CELF4: variants seen among roughly 807,000 people sequenced by gnomAD.
CELF4 encodes the protein CUG-BP- and ETR-3-like factor 4.
A neutral mutation model predicts 59.9 loss-of-function variants in CELF4; 18 were observed. The ratio of observed to expected loss-of-function variants is 0.30; its 90% CI spans 0.21 to 0.45. The LOEUF is 0.45. Among genes scored for constraint, CELF4 ranks in the 20% least tolerant of loss-of-function variants. The pLI is 1.00. For missense variants in CELF4, 456 were observed against 689.0 expected (o/e 0.66, Z 3.79); for synonymous variants, 261 against 267.1 (o/e 0.98, Z 0.22).
At chr18:37,343,563 T>C (rs1038390760) in intron 2 of CELF4, among the ~76,000 whole-genome samples, 7 of 151,900 alleles carry the variant, frequency 4.6e-5, no homozygotes, top group African/African-American at 7.3e-5. Flanking sequence ...CCCTGGTATA[T>C]GTGGTGCATA....
chr18:37,521,992 C>T lies in CELF4; in HGVS notation c.287-36385G>A, dbSNP rs184842052. 1.2e-4 allele frequency among the ~76,000 whole-genome samples: 18 copies of T among 152,292 alleles called. No individual in the cohort carries two copies. The East Asian group carries it at 2.9e-3, about 25-fold the overall frequency. ...TAGCGGGTTACCGTCACTCAGCACC[C>T]GGTGAGTTTAAGAGTGGAGAATGCC... is the stretch of plus-strand genomic sequence containing the variant. On this transcript the variant is annotated intron_variant, in intron 1 of 12. Coordinates refer to ENST00000420428, the MANE Select transcript of CELF4 (RefSeq NM_020180.4).
chr18:37,257,306 A>G (rs555103010), intron 11 of CELF4, among the ~76,000 whole-genome samples: 2 of 152,294 alleles, frequency 1.3e-5, no homozygotes, highest in Admixed American at 1.3e-4. Context: ...CATTTATGTA[A>G]CATTTGGGAC....
At chr18:37,563,134 C>A (rs2099987080) in intron 1 of CELF4, among the ~76,000 whole-genome samples, 2 of 151,190 alleles carry the variant, frequency 1.3e-5, no homozygotes, top group East Asian at 3.9e-4. Context: ...ACCTTCTCTA[C>A]CTCCCTAATG....
At chr18:37,318,866 G>A (rs1344420743) in intron 3 of CELF4, among the ~76,000 whole-genome samples, 1 of 152,162 alleles carries the variant, frequency 6.6e-6, no homozygotes, top group East Asian at 1.9e-4. Flanking sequence ...GGAGAAAATG[G>A]CCTGGACTCT....
In CELF4 at chr18:37,271,535, C is replaced by T. The variant is rs1170180423; in HGVS notation, c.950-618G>A. On this transcript the variant is annotated intron_variant, in intron 7 of 12. Coordinates refer to ENST00000420428, the MANE Select transcript of CELF4 (RefSeq NM_020180.4). ...CCTCCCAAAATGCTGGGATTACAGGCATGAGCCACCGTACCTGGCCTTCCT... is the reference window on the plus strand; with the variant it reads ...CCTCCCAAAATGCTGGGATTACAGGTATGAGCCACCGTACCTGGCCTTCCT... 6.6e-5 allele frequency among the ~76,000 whole-genome samples: 10 copies of T among 152,314 alleles called. No homozygotes were observed. In the East Asian group the frequency reaches 1.9e-3, roughly 29 times the overall value.
chr18:37,534,737 GA>G (rs2099972138), intron 1 of CELF4, among the ~76,000 whole-genome samples: 1 of 152,204 alleles, frequency 6.6e-6, no homozygotes, highest in African/African-American at 2.4e-5. Context: ...GGCCAGAGGG[GA>G]AGAGAGGGAG....
chr18:37,443,435 G>A (rs965524284), intron 2 of CELF4, among the ~76,000 whole-genome samples: 2 of 152,152 alleles, frequency 1.3e-5, no homozygotes, highest in African/African-American at 4.8e-5. Context: ...TGGGCTGGCA[G>A]GAGAGGAGGC....
rs73947209 is a variant in CELF4, at chr18:37,428,778, G to A, written c.369+56747C>T. ...CCCCCATGTGTTCTGAGCAGCAGCC[G>A]CCCTGCAGGAGGAAGTGTGCCTGAT... On this transcript the variant is annotated intron_variant, in intron 2 of 12. Transcript: ENST00000420428. Among the ~76,000 whole-genome samples the A allele has an allele frequency of 7.5e-3, 1,138 of 152,240 alleles. 22 individuals carry two copies. Among genetic ancestry groups the A allele is most frequent in the African/African-American group, 0.026 (1,095 of 41,550 alleles).
intron 7 of CELF4, among the ~76,000 whole-genome samples, chr18:37,272,036 G>A (rs2091520515): frequency 6.6e-6 from 1 of 152,172 alleles, no homozygotes; most frequent in South Asian, 2.1e-4. Flanking sequence ...GAAGAGTAGT[G>A]TTCAAGTTGA....
At chr18:37,360,264 A>C (rs984085267) in intron 2 of CELF4, among the ~76,000 whole-genome samples, 10 of 152,278 alleles carry the variant, frequency 6.6e-5, no homozygotes, top group Admixed American at 2.0e-4. Flanking sequence ...CATCTGATCC[A>C]GGGATGGAGT....
intron 2 of CELF4, among the ~76,000 whole-genome samples, chr18:37,393,374 G>C (rs2099190621): frequency 1.3e-5 from 2 of 152,234 alleles, no homozygotes; most frequent in African/African-American, 4.8e-5. Flanking sequence ...TTCATTCGTT[G>C]TTCTCCAGGG....
chr18:37,395,096 A>G (rs990553561), intron 2 of CELF4, among the ~76,000 whole-genome samples: 1 of 151,798 alleles, frequency 6.6e-6, no homozygotes, highest in Admixed American at 6.6e-5. Flanking sequence ...CTGGGCTTCG[A>G]CCACTATTTC....
intron 1 of CELF4, among the ~76,000 whole-genome samples, chr18:37,564,027 G>T (rs1353434368): frequency 6.6e-6 from 1 of 152,214 alleles, no homozygotes; most frequent in African/African-American, 2.4e-5. Context: ...TAGCCCATTT[G>T]TGGCCAAGGA....
chr18:37,358,195 G>A (rs1288906718), intron 2 of CELF4, among the ~76,000 whole-genome samples: 2 of 152,160 alleles, frequency 1.3e-5, no homozygotes, highest in Non-Finnish European at 2.9e-5. Flanking sequence ...CACATGTTGT[G>A]GGAGGGACCC....
intron 1 of CELF4, among the ~76,000 whole-genome samples, chr18:37,525,818 A>C (rs1192534186): frequency 2.6e-5 from 4 of 151,340 alleles, no homozygotes; most frequent in African/African-American, 4.9e-5. Context: ...ATTATTAAAA[A>C]CCCCTTTCAC....
intron 2 of CELF4, among the ~76,000 whole-genome samples, chr18:37,461,851 C>T (rs1216317552): frequency 6.6e-6 from 1 of 152,204 alleles, no homozygotes; most frequent in Non-Finnish European, 1.5e-5. Flanking sequence ...AGGAGACTAG[C>T]TACAAGGCCA....
chr18:37,320,686 A>G (rs939577320), intron 3 of CELF4, among the ~76,000 whole-genome samples: 1 of 152,214 alleles, frequency 6.6e-6, no homozygotes, highest in Non-Finnish European at 1.5e-5. Context: ...CTGAGAGCTC[A>G]GTTCAGAGCA....
intron 1 of CELF4, among the ~76,000 whole-genome samples, chr18:37,515,976 A>C (rs1039183773): frequency 6.6e-6 from 1 of 152,076 alleles, no homozygotes; most frequent in African/African-American, 2.4e-5. Context: ...GGGTGCATGG[A>C]GGCACTTGAT....
chr18:37,270,031 G>T (rs2154344909), intron 8 of CELF4, among the ~76,000 whole-genome samples: 1 of 152,342 alleles, frequency 6.6e-6, no homozygotes, highest in African/African-American at 2.4e-5. Flanking sequence ...GAGGGCTTTG[G>T]GCCCAGCTTC....
Sources: gnomAD v4.1 joint callset for allele counts (sites outside exome capture counted in the v4.1 genomes callset) on GRCh38, gnomAD v4.1.1 for gene constraint, MANE v1.5 for transcripts, NCBI Gene and HGNC (gene_info 2026-07-23, HGNC 2026-07-21) for gene names.